ADGRV1: variants seen among roughly 807,000 people sequenced by gnomAD.
ADGRV1 encodes the protein adhesion G protein-coupled receptor V1.
A neutral mutation model predicts 596.2 loss-of-function variants in ADGRV1; 359 were observed. That is an observed-to-expected ratio of 0.60 (90% CI 0.55 to 0.66). The LOEUF is 0.66. Ranked by LOEUF, ADGRV1 falls within the 30% of genes least tolerant of loss-of-function variation. The pLI, the probability that ADGRV1 is intolerant of heterozygous loss-of-function variation, is 0.00. For missense variants in ADGRV1, 7,274 were observed against 7,575.6 expected (o/e 0.96, Z 1.48); for synonymous variants, 2,681 against 2,679.2 (o/e 1.00, Z -0.02).
intron 70 of ADGRV1, chr5:90,792,149 T>C (rs1426750962): frequency 6.6e-6 from 1 of 152,188 alleles, no homozygotes; most frequent in African/African-American, 2.4e-5. Flanking sequence ...GGGTGAATTA[T>C]GTAGCTAGAG....
In ADGRV1 at chr5:90,794,294, C is replaced by T. The variant is rs563613781; in HGVS notation, c.14517+2948C>T. On this transcript the variant is annotated intron_variant, in intron 70 of 89. Transcript: ENST00000405460. ...GATGTAGGTTTAACACCAGAACCTT[C>T]GAGTGTCAACTGTTAGCACCTGGTA... Among the ~76,000 whole-genome samples, 8 of 152,270 alleles carry T rather than the reference C, an allele frequency of 5.3e-5. No homozygotes were observed. In the South Asian group the frequency reaches 1.2e-3, roughly 24 times the overall value.
At chr5:90,602,869 G>A (rs1761590014) in intron 1 of ADGRV1, among the ~76,000 whole-genome samples, 1 of 152,206 alleles carries the variant, frequency 6.6e-6, no homozygotes, top group Admixed American at 6.5e-5. Context: ...GATTTGTGGT[G>A]TTTAAGCCTG....
intron 70 of ADGRV1, among the ~76,000 whole-genome samples, chr5:90,796,727 G>A (rs905522242): frequency 1.3e-5 from 2 of 152,146 alleles, no homozygotes; most frequent in African/African-American, 4.8e-5. Flanking sequence ...AGAGAGAAAG[G>A]TTGGGTTACC....
chr5:90,741,987 G>A (rs1754017152), intron 50 of ADGRV1, among the ~76,000 whole-genome samples: 1 of 152,118 alleles, frequency 6.6e-6, no homozygotes, highest in African/African-American at 2.4e-5. Context: ...GAAGAAGAAT[G>A]AATATGACAA....
intron 83 of ADGRV1, among the ~76,000 whole-genome samples, chr5:90,868,648 C>CTTT (rs35485525): frequency 5.1e-5 from 7 of 137,220 alleles, no homozygotes; most frequent in African/African-American, 1.6e-4. Flanking sequence ...GTATGTAAGC[C>CTTT]TTTTTTTTTT....
At chr5:91,079,198 A>G (rs1311400091) in intron 86 of ADGRV1, among the ~76,000 whole-genome samples, 1 of 152,164 alleles carries the variant, frequency 6.6e-6, no homozygotes, top group African/African-American at 2.4e-5. Flanking sequence ...ATTTCTGAAA[A>G]TAACATTTTA....
intron 83 of ADGRV1, among the ~76,000 whole-genome samples, chr5:90,959,638 A>G (rs1777796260): frequency 6.6e-6 from 1 of 152,208 alleles, no homozygotes. Flanking sequence ...TAGAGAGTCC[A>G]GAAATAGACT....
At chr5:90,871,577 T>TGATA (rs1426555308) in intron 83 of ADGRV1, among the ~76,000 whole-genome samples, 1 of 152,242 alleles carries the variant, frequency 6.6e-6, no homozygotes, top group African/African-American at 2.4e-5. Flanking sequence ...GTTTGCAACA[T>TGATA]AGCTTTCGTT....
At chr5:91,157,643 C>G (rs1313491354) in intron 89 of ADGRV1, among the ~76,000 whole-genome samples, 1 of 152,124 alleles carries the variant, frequency 6.6e-6, no homozygotes, top group Admixed American at 6.5e-5. Flanking sequence ...CCATAAGACT[C>G]TAAGGTGTTC....
rs1478210354 is a variant in ADGRV1, at chr5:90,829,107, A to G, written c.16532A>G (p.Lys5511Arg). The change falls in exon 77 of 90, where the codon AAG becomes AGG. Residue 5511 changes from lysine to arginine, a missense_variant. Physicochemically the swap from Lys to Arg is conservative, Grantham distance 26. This residue lies in a region of ADGRV1 where 1,874 missense variants were observed against 1,970.2 expected (regional missense o/e 0.95). Coordinates refer to ENST00000405460, the MANE Select transcript of ADGRV1 (RefSeq NM_032119.4). ...SVGSRLAVAH[K>R]KATLISLQVA... Reference sequence around the variant, plus strand: ...GGTTCTCGGCTGGCAGTGGCTCACAAGAAGGCCACTTTAATCAGTCTGCAG... The same window carrying G: ...GGTTCTCGGCTGGCAGTGGCTCACAGGAAGGCCACTTTAATCAGTCTGCAG... 1.9e-6 allele frequency: 3 copies of G among 1,612,386 alleles called. No individual in the cohort carries two copies. Among genetic ancestry groups the G allele is most frequent in the East Asian group, 4.5e-5 (2 of 44,868 alleles).
rs192792462 is a variant in ADGRV1 at position 90,599,278 on chromosome 5, A to T, written c.23-15557A>T. The stretch of plus-strand genomic sequence containing the variant: ...GAATACCTTATTTAAAATTTTAAAT[A>T]AAAAATTTTACAAAATGTTTTATAC... On this transcript the variant is annotated intron_variant, in intron 1 of 89. Coordinates refer to ENST00000405460, the MANE Select transcript of ADGRV1 (RefSeq NM_032119.4). Among the ~76,000 whole-genome samples, 401 of 152,326 alleles carry T rather than the reference A, an allele frequency of 2.6e-3. 1 individual carries two copies. Among genetic ancestry groups the T allele is most frequent in the African/African-American group, 8.7e-3 (362 of 41,568 alleles).
At chr5:90,717,173 G>A (rs773734181) in intron 43 of ADGRV1, 2 of 152,130 alleles carry the variant, frequency 1.3e-5, no homozygotes, top group Non-Finnish European at 2.9e-5. Flanking sequence ...ATAGTTTATT[G>A]GAGAAAAAAA....
chr5:91,139,749 G>A (rs944950816), intron 87 of ADGRV1, among the ~76,000 whole-genome samples: 2 of 152,160 alleles, frequency 1.3e-5, no homozygotes, highest in Non-Finnish European at 2.9e-5. Flanking sequence ...ATGTTACATA[G>A]TTCAGCCTGT....
At position 91,163,839 on chromosome 5, in the gene ADGRV1, C is replaced by G; in HGVS notation, c.18860C>G (p.Thr6287Ser). 6.2e-7 allele frequency: 1 copy of G among 1,607,820 alleles called. No homozygotes were observed. The highest frequency in any genetic ancestry group is 1.1e-5 in the South Asian group (1 of 89,974). ...ESGQGSQEGG[T>S]LTDSQIVELR... Reference sequence around the variant, plus strand: ...GGTCAAGGCAGCCAGGAGGGGGGCACCTTGACTGACTCCCAGATCGTGGAG... The same window carrying G: ...GGTCAAGGCAGCCAGGAGGGGGGCAGCTTGACTGACTCCCAGATCGTGGAG... The change falls in exon 90 of 90, where the codon ACC becomes AGC. Residue 6287 changes from threonine to serine, a missense_variant. Thr to Ser is a moderately conservative substitution (Grantham distance 58). Coordinates refer to ENST00000405460, the MANE Select transcript of ADGRV1 (RefSeq NM_032119.4).
chr5:90,581,170 TTTTTTAGCTTCC>T (rs1757993048), intron 1 of ADGRV1, among the ~76,000 whole-genome samples: 1 of 152,182 alleles, frequency 6.6e-6, no homozygotes, highest in South Asian at 2.1e-4. Flanking sequence ...TTTTTCAAGT[TTTTTTAGCTTCC>T]TTGCGATAGG....
chr5:90,885,011 T>C (rs1770143541), intron 83 of ADGRV1, among the ~76,000 whole-genome samples: 1 of 152,188 alleles, frequency 6.6e-6, no homozygotes, highest in Admixed American at 6.5e-5. Flanking sequence ...TCGTGGTATG[T>C]ATGTTCTTAC....
At chr5:90,958,283 CAAAAAAAAAA>C (rs34676985) in intron 83 of ADGRV1, among the ~76,000 whole-genome samples, 2 of 72,840 alleles carry the variant, frequency 2.7e-5, no homozygotes, top group South Asian at 5.0e-4. Flanking sequence ...GACCTTGTCT[CAAAAAAAAAA>C]AAAAAAAAAA....
chr5:90,946,680 G>T (rs1197751340), intron 83 of ADGRV1, among the ~76,000 whole-genome samples: 2 of 151,904 alleles, frequency 1.3e-5, no homozygotes, highest in African/African-American at 4.8e-5. Flanking sequence ...TGTTCTCATT[G>T]TTCAGTTCCC....
chr5:91,049,126 A>C (rs1466903396), intron 85 of ADGRV1, among the ~76,000 whole-genome samples: 1 of 152,228 alleles, frequency 6.6e-6, no homozygotes, highest in African/African-American at 2.4e-5. Context: ...CATGTTAACA[A>C]AATATATCTT....
Sources: allele counts gnomAD v4.1 joint callset (sites outside exome capture counted in the v4.1 genomes callset), GRCh38; gene constraint gnomAD v4.1.1; regional missense constraint gnomAD v4.1.1; transcripts MANE v1.5; gene names NCBI Gene and HGNC (gene_info 2026-07-23, HGNC 2026-07-21).